The following PCDHA3 variants were observed in gnomAD, a reference collection of about 807,000 sequenced individuals.
The protein encoded by PCDHA3 is protocadherin alpha-3.
Under a neutral mutation model 62.2 loss-of-function variants are expected in PCDHA3, and 41 were observed. The ratio of observed to expected loss-of-function variants is 0.66; its 90% CI spans 0.51 to 0.86. The LOEUF is 0.86. Ranked by LOEUF, PCDHA3 falls within the 40% of genes least tolerant of loss-of-function variation. The pLI is 0.00. For missense variants in PCDHA3, 1,304 were observed against 1,241.2 expected, an observed-to-expected ratio of 1.05 and a Z score of -0.76; for synonymous variants, 640 against 555.4, an observed-to-expected ratio of 1.15 and a Z score of -2.14.
At chr5:140,841,911 G>GA (rs2150325443) in intron 1 of PCDHA3, 1 of 1,613,886 alleles carries the variant, frequency 6.2e-7, no homozygotes, top group Non-Finnish European at 8.5e-7. Flanking sequence ...CTCGTATTAA[G>GA]AAAATCCTTG....
chr5:140,816,063 T>C (rs1396347202), intron 1 of PCDHA3: 1 of 152,226 alleles, frequency 6.6e-6, no homozygotes, highest in African/African-American at 2.4e-5. Context: ...TGGGAAGTTT[T>C]CAGATGTAAT....
intron 1 of PCDHA3, chr5:140,882,953 C>T: frequency 3.7e-6 from 6 of 1,614,184 alleles, no homozygotes; most frequent in East Asian, 2.2e-5. Flanking sequence ...AGTTCAGCTG[C>T]TCATCACGAT....
chr5:140,816,605 A>T (rs1765956061), intron 1 of PCDHA3: 1 of 151,984 alleles, frequency 6.6e-6, no homozygotes, highest in African/African-American at 2.4e-5. Context: ...TGATATCTAT[A>T]CATTTCAAAA....
chr5:140,841,313 C>T (rs2150313348), intron 1 of PCDHA3: 2 of 1,587,144 alleles, frequency 1.3e-6, no homozygotes, highest in Non-Finnish European at 8.6e-7. Context: ...TAGGAAACGA[C>T]TATTTAACAT....
chr5:140,838,443 T>C (rs1554137081), intron 1 of PCDHA3, among the ~76,000 whole-genome samples: 5 of 151,752 alleles, frequency 3.3e-5, no homozygotes, highest in Non-Finnish European at 5.9e-5. Flanking sequence ...TATTGGGTTT[T>C]GTGGCATATT....
intron 1 of PCDHA3, among the ~76,000 whole-genome samples, chr5:140,897,367 T>C (rs1554187348): frequency 8.0e-6 from 1 of 125,642 alleles, no homozygotes; most frequent in East Asian, 2.4e-4. Flanking sequence ...CAGAGTGTGA[T>C]GTTCCCTTCC....
intron 1 of PCDHA3, chr5:140,805,335 G>C: frequency 1.2e-5 from 15 of 1,231,160 alleles, no homozygotes; most frequent in Non-Finnish European, 1.5e-5. Context: ...TGATGTCAAT[G>C]ATCATTTTGT....
intron 1 of PCDHA3, among the ~76,000 whole-genome samples, chr5:140,838,872 G>A (rs2150293178): frequency 6.6e-6 from 1 of 152,012 alleles, no homozygotes; most frequent in Non-Finnish European, 1.5e-5. Flanking sequence ...CAGTTATCAT[G>A]CCACTGAACT....
intron 1 of PCDHA3, chr5:140,813,585 A>G (rs1270659713): frequency 6.6e-6 from 1 of 152,254 alleles, no homozygotes; most frequent in Non-Finnish European, 1.5e-5. Context: ...CTGGAAATTT[A>G]TCTGCATGAG....
chr5:140,965,275 C>T (rs1280046381), intron 1 of PCDHA3, among the ~76,000 whole-genome samples: 7 of 152,158 alleles, frequency 4.6e-5, no homozygotes, highest in Non-Finnish European at 1.0e-4. Context: ...GGCAATGACA[C>T]AGCATGGAAA....
chr5:140,969,371 T>C (rs2096324872), intron 1 of PCDHA3: 1 of 1,607,688 alleles, frequency 6.2e-7, no homozygotes, highest in Non-Finnish European at 8.5e-7. Context: ...AACTCATGCA[T>C]TTGTTACACA....
intron 1 of PCDHA3, chr5:140,869,236 G>T (rs781873875): frequency 6.2e-7 from 1 of 1,613,674 alleles, no homozygotes; most frequent in South Asian, 1.1e-5. Context: ...CGGCACCTTC[G>T]TGGGCCGCAT....
intron 1 of PCDHA3, among the ~76,000 whole-genome samples, chr5:140,806,487 A>G (rs1223132599): frequency 4.6e-5 from 7 of 152,208 alleles, no homozygotes; most frequent in African/African-American, 1.7e-4. Flanking sequence ...TTCAGCCCTG[A>G]CATGACTCAA....
Position 141,012,283 on chromosome 5 carries a change from AT to A in PCDHA3, c.*2350del, listed in dbSNP as rs1313163740. 6.5e-6 allele frequency: 1 copy of A among 153,798 alleles called. No homozygotes were observed. Among genetic ancestry groups the A allele is most frequent in the Non-Finnish European group, 1.5e-5 (1 of 68,046 alleles). The allele number at this position is 153,798 out of a possible 1,614,324, so 9.5% of individuals were successfully genotyped here. ...AGGATAAAACACGTCATGTGGATTC[AT>A]TTTGAATTGGTGCTATTGGTATTTC... On this transcript the variant is annotated 3_prime_UTR_variant, in exon 4 of 4. Coordinates refer to ENST00000522353, the MANE Select transcript of PCDHA3 (RefSeq NM_018906.3).
chr5:140,823,168 G>A (rs2150123028), intron 1 of PCDHA3: 46 of 1,613,838 alleles, frequency 2.9e-5, no homozygotes, highest in Non-Finnish European at 3.7e-5. Flanking sequence ...GTTCGTGAAG[G>A]AGAACAACCC....
chr5:140,906,252 C>T (rs1376694912), intron 1 of PCDHA3, among the ~76,000 whole-genome samples: 1 of 152,180 alleles, frequency 6.6e-6, no homozygotes, highest in Admixed American at 6.5e-5. Flanking sequence ...AACCCATACA[C>T]ACCTCCTGAA....
At chr5:140,906,041 A>T (rs1257569280) in intron 1 of PCDHA3, among the ~76,000 whole-genome samples, 1 of 152,128 alleles carries the variant, frequency 6.6e-6, no homozygotes, top group Non-Finnish European at 1.5e-5. Context: ...GTCTGCTTTT[A>T]TTCTGGCTGC....
intron 1 of PCDHA3, among the ~76,000 whole-genome samples, chr5:140,924,889 T>C (rs1554202242): frequency 8.9e-6 from 1 of 112,122 alleles, no homozygotes; most frequent in Non-Finnish European, 1.8e-5. Flanking sequence ...AGCAAGAACC[T>C]GTCTCAAAAA....
chr5:141,002,135 G>A (rs1265359430), intron 3 of PCDHA3, among the ~76,000 whole-genome samples: 1 of 152,236 alleles, frequency 6.6e-6, no homozygotes, highest in African/African-American at 2.4e-5. Flanking sequence ...AGCCTTTGCC[G>A]GCTGCACTGA....
Sources: allele counts gnomAD v4.1 joint callset (sites outside exome capture counted in the v4.1 genomes callset), GRCh38; gene constraint gnomAD v4.1.1; transcripts MANE v1.5; gene names NCBI Gene and HGNC (gene_info 2026-07-23, HGNC 2026-07-21).